Variants in SHISA9 observed in about 807,000 individuals in gnomAD.
SHISA9 encodes the protein shisa family member 9, also known as protein shisa-9.
SHISA9 carries 13 observed loss-of-function variants against 38.0 expected under a neutral mutation model. That is an observed-to-expected ratio of 0.34 (90% CI 0.22 to 0.54). SHISA9 has a LOEUF of 0.54. Ranked by LOEUF, SHISA9 falls within the 20% of genes least tolerant of loss-of-function variation. The probability of loss-of-function intolerance (pLI) is 0.91; values close to 1 mark genes in which losing one functional copy is unlikely to be tolerated. For missense variants in SHISA9, 538 were observed against 575.8 expected, an observed-to-expected ratio of 0.93 and a Z score of 0.67; for synonymous variants, 275 against 242.0, an observed-to-expected ratio of 1.14 and a Z score of -1.27.
At chr16:13,503,038 C>CA in the SHISA9 span, among the ~76,000 whole-genome samples, 1 of 152,046 alleles carries the variant, frequency 6.6e-6, no homozygotes, top group Non-Finnish European at 1.5e-5. Flanking sequence ...GCTGACTTAA[C>CA]AGGGACGACA....
the SHISA9 span, among the ~76,000 whole-genome samples, chr16:13,552,008 C>G: frequency 9.9e-5 from 15 of 151,894 alleles, no homozygotes; most frequent in Non-Finnish European, 1.5e-5. Context: ...GCCTGGGTAA[C>G]AGAACGAGAC....
At chr16:13,481,102 C>T in the SHISA9 span, among the ~76,000 whole-genome samples, 2 of 152,232 alleles carry the variant, frequency 1.3e-5, no homozygotes, top group African/African-American at 4.8e-5. Context: ...GGCTGACCAA[C>T]CGCTTTTGCT....
intron 2 of SHISA9, among the ~76,000 whole-genome samples, chr16:12,969,493 C>A (rs1352968398): frequency 6.6e-6 from 1 of 152,016 alleles, no homozygotes; most frequent in African/African-American, 2.4e-5. Flanking sequence ...CCTGTAATCC[C>A]AGGACTTTGA....
chr16:13,325,945 A>T, the SHISA9 span, among the ~76,000 whole-genome samples: 7 of 151,750 alleles, frequency 4.6e-5, no homozygotes, highest in Admixed American at 2.0e-4. Flanking sequence ...CAAATACCTA[A>T]TGCATGAGGG....
intron 4 of SHISA9, among the ~76,000 whole-genome samples, chr16:13,228,568 G>C (rs1312281610): frequency 6.6e-6 from 1 of 152,148 alleles, no homozygotes; most frequent in African/African-American, 2.4e-5. Flanking sequence ...AATGATGCTG[G>C]ATCATTATAA....
the SHISA9 span, among the ~76,000 whole-genome samples, chr16:13,367,710 G>GTGCACA: frequency 1.1e-5 from 1 of 90,518 alleles, no homozygotes; most frequent in African/African-American, 4.0e-5. Context: ...GCGCGCGCGC[G>GTGCACA]CGCACACACA....
At chr16:13,375,724 C>T in the SHISA9 span, among the ~76,000 whole-genome samples, 8 of 152,148 alleles carry the variant, frequency 5.3e-5, no homozygotes, top group African/African-American at 1.9e-4. Context: ...AAGCCTAAGA[C>T]TTGTACACTA....
chr16:13,208,472 G>T (rs1485611260), intron 3 of SHISA9, among the ~76,000 whole-genome samples: 14 of 133,016 alleles, frequency 1.1e-4, no homozygotes, highest in Non-Finnish European at 2.2e-4. Context: ...ACAGAGTTTG[G>T]CTCCTATCAC....
At chr16:13,217,570 T>C (rs569798504) in intron 4 of SHISA9, among the ~76,000 whole-genome samples, 62 of 152,230 alleles carry the variant, frequency 4.1e-4, no homozygotes, top group African/African-American at 1.3e-3. Context: ...ATTGCTCCAA[T>C]AGAGGAAATC....
chr16:13,376,557 G>T, the SHISA9 span, among the ~76,000 whole-genome samples: 1 of 152,196 alleles, frequency 6.6e-6, no homozygotes, highest in Non-Finnish European at 1.5e-5. Flanking sequence ...TAAAGTTGCA[G>T]AAAATTGAAT....
At chr16:13,213,932 G>C (rs1281049927) in intron 4 of SHISA9, among the ~76,000 whole-genome samples, 2 of 152,154 alleles carry the variant, frequency 1.3e-5, no homozygotes, top group East Asian at 1.9e-4. Context: ...TGATGATCAG[G>C]CTGTGTAGGC....
At chr16:13,263,421 G>A in the SHISA9 span, among the ~76,000 whole-genome samples, 1 of 152,124 alleles carries the variant, frequency 6.6e-6, no homozygotes, top group Non-Finnish European at 1.5e-5. Context: ...GTGATGGTGA[G>A]TGAGTACTCA....
the SHISA9 span, among the ~76,000 whole-genome samples, chr16:13,554,446 T>C: frequency 4.2e-4 from 64 of 151,960 alleles, no homozygotes; most frequent in African/African-American, 1.5e-3. Context: ...AAAATCATGG[T>C]AAAATCTCTG....
At position 13,203,500 on chromosome 16, in the gene SHISA9, G is replaced by A. The variant is rs1430825047; in HGVS notation, c.798G>A (p.Gln266=). ...GCCAGATCTCCAACCCCTATGAACA[G>A]CAGCCACCAGGAAAAGAGCTCAACA... ...NLGQISNPYE[Q]QPPGKELNKY... is the part of the protein sequence containing the mutation. The change falls in exon 3 of 5, where the codon CAG becomes CAA. Residue 266 remains glutamine, a synonymous_variant. Coordinates refer to ENST00000558583, the MANE Select transcript of SHISA9 (RefSeq NM_001145204.3). 5 of 1,547,978 alleles carry A rather than the reference G, an allele frequency of 3.2e-6. No homozygotes were observed. In the Admixed American group the frequency reaches 8.0e-5, roughly 25 times the overall value.
the SHISA9 span, among the ~76,000 whole-genome samples, chr16:13,522,366 C>T: frequency 2.6e-5 from 4 of 152,288 alleles, no homozygotes; most frequent in South Asian, 4.1e-4. Context: ...CAGTTTTCAT[C>T]CTAATGACAT....
intron 2 of SHISA9, among the ~76,000 whole-genome samples, chr16:13,038,834 A>G (rs2073102632): frequency 6.6e-6 from 1 of 152,234 alleles, no homozygotes; most frequent in African/African-American, 2.4e-5. Context: ...TGTCTGACAC[A>G]TAGTAGAGCC....
At chr16:12,954,747 G>A (rs1239819741) in intron 2 of SHISA9, among the ~76,000 whole-genome samples, 1 of 152,116 alleles carries the variant, frequency 6.6e-6, no homozygotes, top group Non-Finnish European at 1.5e-5. Flanking sequence ...GTTGTAGAGG[G>A]TACATGGCAC....
At chr16:13,116,127 T>G (rs139418492) in intron 2 of SHISA9, among the ~76,000 whole-genome samples, 1 of 152,336 alleles carries the variant, frequency 6.6e-6, no homozygotes, top group Non-Finnish European at 1.5e-5. Context: ...CCTTACTTAC[T>G]GATCTCTGTA....
chr16:13,350,441 A>T, the SHISA9 span: 1 of 152,360 alleles, frequency 6.6e-6, no homozygotes, highest in South Asian at 2.1e-4. Context: ...TTCTCTTAAC[A>T]AATCACTTCT....
Sources: allele counts gnomAD v4.1 joint callset (sites outside exome capture counted in the v4.1 genomes callset), GRCh38; gene constraint gnomAD v4.1.1; transcripts MANE v1.5; gene names NCBI Gene and HGNC (gene_info 2026-07-23, HGNC 2026-07-21).